The following GNAS variants were observed in gnomAD, a reference collection of about 807,000 sequenced individuals.
GNAS encodes GNAS complex locus, also known as protein ALEX.
Under a neutral mutation model 54.5 loss-of-function variants are expected in GNAS, and 8 were observed. The ratio of observed to expected loss-of-function variants is 0.15; its 90% CI spans 0.09 to 0.26. The LOEUF is 0.26. GNAS is among the 10% of genes least tolerant of loss of function. The pLI is 1.00. For synonymous variants in GNAS, 204 were observed against 191.4 expected (o/e 1.07, Z -0.54); for missense variants, 170 against 529.8 (o/e 0.32, Z 6.67).
chr20:58,854,079 G>C, intron 1 of GNAS: 1 of 1,612,086 alleles, frequency 6.2e-7, no homozygotes, highest in Non-Finnish European at 8.5e-7. Context: ...CGCCGCGAAC[G>C]CGCCTCCCCT....
chr20:58,903,337 C>T, intron 3 of GNAS, 194 bp from the exon 4 acceptor site: 1 of 680,350 alleles, frequency 1.5e-6, no homozygotes, highest in South Asian at 1.6e-5. Context: ...TTGGGCGTGT[C>T]CTCAGGGCAC....
intron 3 of GNAS, chr20:58,903,218 A>C: frequency 2.2e-6 from 1 of 463,208 alleles, no homozygotes; most frequent in South Asian, 2.1e-5. Flanking sequence ...AGCCTTTAGG[A>C]AGTGTTAGTA....
intron 1 of GNAS, chr20:58,854,023 G>C: frequency 2.5e-6 from 4 of 1,611,718 alleles, no homozygotes; most frequent in Non-Finnish European, 3.4e-6. Flanking sequence ...GACGGCAGCA[G>C]CCAGTTCGCG....
intron 1 of GNAS, among the ~76,000 whole-genome samples, chr20:58,870,360 G>T (rs919182561): frequency 8.5e-5 from 13 of 152,348 alleles, no homozygotes; most frequent in African/African-American, 3.1e-4. Flanking sequence ...CTGAGTGGTG[G>T]CTGAGGGCAG....
At chr20:58,866,280 G>T (rs534202668) in intron 1 of GNAS, among the ~76,000 whole-genome samples, 13 of 152,262 alleles carry the variant, frequency 8.5e-5, no homozygotes, top group African/African-American at 3.1e-4. Context: ...CAGTTAGATT[G>T]CAGGAGAGAG....
rs1348080782 is a variant in GNAS, at chr20:58,891,876, G to A, written c.139+11G>A. The A allele has an allele frequency of 8.6e-7, 1 of 1,167,412 alleles. No homozygotes were observed. Among genetic ancestry groups the A allele is most frequent in the South Asian group, 1.8e-5 (1 of 54,776 alleles). 72.3% of individuals were successfully genotyped at this position (1,167,412 alleles called of 1,614,324 possible). ...GCCTGCTGCTGCTGGGTAAGGGCGGGCGGGGGGCGCCGGCCCCGGCCCGGG... is the reference window on the plus strand; with the variant it reads ...GCCTGCTGCTGCTGGGTAAGGGCGGACGGGGGGCGCCGGCCCCGGCCCGGG... On this transcript the variant is annotated intron_variant, in intron 1 of 12. Coordinates refer to ENST00000371085, the MANE Select transcript of GNAS (RefSeq NM_000516.7).
At chr20:58,848,088 G>A (rs1600683444) in intron 1 of GNAS, among the ~76,000 whole-genome samples, 1 of 152,226 alleles carries the variant, frequency 6.6e-6, no homozygotes, top group South Asian at 2.1e-4. Context: ...TTTGCCACCT[G>A]TGGCACCTGG....
Position 58,841,817 on chromosome 20 carries a change from C to T in GNAS, c.43+931C>T. 1 of 1,230,832 alleles carries T rather than the reference C, an allele frequency of 8.1e-7. No individual in the cohort carries two copies. The highest frequency in any genetic ancestry group is 1.5e-5 in the African/African-American group (1 of 64,546). 76.2% of individuals were successfully genotyped at this position (1,230,832 alleles called of 1,614,324 possible). ...AGGCTGCATGCGGCTTAGCAGGAGA[C>T]GTCCTGGGCTGTTTGCGCAGGACCT... On this transcript the variant is annotated intron_variant, in intron 1 of 12. Transcript: ENST00000306090. The surrounding 1 kb of genome is among the most constrained non-coding windows in gnomAD (Gnocchi z 5.0).
In GNAS at chr20:58,891,792, C is replaced by G. The variant is rs764465765; in HGVS notation, c.66C>G (p.Ala22=). 2 of 1,287,622 alleles carry G rather than the reference C, an allele frequency of 1.6e-6. No homozygotes were observed. Among genetic ancestry groups the G allele is most frequent in the Non-Finnish European group, 2.0e-6 (2 of 977,668 alleles). 79.8% of individuals were successfully genotyped at this position (1,287,622 alleles called of 1,614,324 possible). ...QRNEEKAQRE[A]NKKIEKQLQK... is the part of the protein sequence containing the mutation. ...ACGAGGAGAAGGCGCAGCGTGAGGC[C>G]AACAAAAAGATCGAGAAGCAGCTGC... Residue 22 remains alanine, a synonymous_variant, in exon 1 of 13, where the codon GCC becomes GCG. Coordinates refer to ENST00000371085, the MANE Select transcript of GNAS (RefSeq NM_000516.7).
Position 58,841,674 on chromosome 20 carries a change from A to C in GNAS, c.43+788A>C. ...GCGGTTAGGGGAAAGTACCTGGGGG[A>C]AAGGTAGAGGAGGTAAGGGGACCCT... On this transcript the variant is annotated intron_variant, in intron 1 of 12. Coordinates refer to the GNAS transcript ENST00000306090. The surrounding 1 kb of genome is among the most constrained non-coding windows in gnomAD (Gnocchi z 5.0). 1 of 1,164,918 alleles carries C rather than the reference A, an allele frequency of 8.6e-7. No homozygotes were observed. Among genetic ancestry groups the C allele is most frequent in the East Asian group, 3.9e-5 (1 of 25,972 alleles). 72.2% of individuals were successfully genotyped at this position (1,164,918 alleles called of 1,614,324 possible). A position where few individuals can be genotyped will look rare whatever the true frequency, so the allele number is the denominator to read the frequency against.
chr20:58,880,084 C>A (rs77364813), intron 1 of GNAS, among the ~76,000 whole-genome samples: 1 of 152,104 alleles, frequency 6.6e-6, no homozygotes, highest in African/African-American at 2.4e-5. Context: ...AGTTTAGACT[C>A]TCTTGGCTGG....
intron 1 of GNAS, chr20:58,885,129 G>A (rs949476196): frequency 4.6e-5 from 7 of 152,240 alleles, no homozygotes; most frequent in African/African-American, 1.7e-4. Context: ...TGGTGGTTTT[G>A]TTAAAAGTCC....
chr20:58,857,176 T>A lies in GNAS; in HGVS notation c.43+16290T>A, dbSNP rs1356894489. The A allele has an allele frequency of 2.0e-5, 3 of 152,232 alleles. No individual in the cohort carries two copies. Among genetic ancestry groups the A allele is most frequent in the African/African-American group, 7.2e-5 (3 of 41,458 alleles). 9.4% of individuals were successfully genotyped at this position (152,232 alleles called of 1,614,324 possible). Reference sequence around the variant, plus strand: ...AAATATGTTAGAATGTGTGATGGTTTTTTATTAATGGCATTATTGGCATAT... The same window carrying A: ...AAATATGTTAGAATGTGTGATGGTTATTTATTAATGGCATTATTGGCATAT... On this transcript the variant is annotated intron_variant, in intron 1 of 12. Coordinates refer to the GNAS transcript ENST00000306090. This position sits in a 1 kb window ranked among gnomAD's most constrained non-coding sequence, Gnocchi z 4.1.
In GNAS at chr20:58,840,899, C is replaced by T; in HGVS notation, c.43+13C>T. On this transcript the variant is annotated intron_variant, in intron 1 of 12. Coordinates refer to the GNAS transcript ENST00000306090. The surrounding 1 kb of genome is among the most constrained non-coding windows in gnomAD (Gnocchi z 6.0). ...TTCATGGATTCAGGTTAGTTGCCCA[C>T]CGCTAAACTGGGGAGCCTGAGGGCG... 2 of 1,612,070 alleles carry T rather than the reference C, an allele frequency of 1.2e-6. No homozygotes were observed. The highest frequency in any genetic ancestry group is 1.7e-6 in the Non-Finnish European group (2 of 1,179,646).
In GNAS at chr20:58,891,883, G is replaced by A. The variant is rs374672530; in HGVS notation, c.139+18G>A. The stretch of plus-strand genomic sequence containing the variant: ...GCTGCTGGGTAAGGGCGGGCGGGGG[G>A]CGCCGGCCCCGGCCCGGGGGCCCTC... On this transcript the variant is annotated intron_variant, in intron 1 of 12. Coordinates refer to ENST00000371085, the MANE Select transcript of GNAS (RefSeq NM_000516.7). 8 of 1,148,156 alleles carry A rather than the reference G, an allele frequency of 7.0e-6. No individual in the cohort carries two copies. Among genetic ancestry groups the A allele is most frequent in the Non-Finnish European group, 7.7e-6 (7 of 903,338 alleles). The allele number at this position is 1,148,156 out of a possible 1,614,324, so 71.1% of individuals were successfully genotyped here. A position where few individuals can be genotyped will look rare whatever the true frequency, so the allele number is the denominator to read the frequency against.
chr20:58,875,242 T>C (rs2087730328), intron 1 of GNAS, among the ~76,000 whole-genome samples: 1 of 152,162 alleles, frequency 6.6e-6, no homozygotes, highest in South Asian at 2.1e-4. Flanking sequence ...TGGGTGATCG[T>C]GGATGAGCAC....
intron 1 of GNAS, among the ~76,000 whole-genome samples, chr20:58,846,211 G>A (rs776939214): frequency 9.9e-5 from 15 of 152,128 alleles, no homozygotes; most frequent in East Asian, 1.9e-4. Flanking sequence ...GAAATTTGGC[G>A]GTTATAAAGA....
intron 1 of GNAS, among the ~76,000 whole-genome samples, chr20:58,860,030 A>C (rs1448724910): frequency 1.3e-5 from 2 of 152,260 alleles, no homozygotes; most frequent in Non-Finnish European, 2.9e-5. Context: ...GCATTATTTA[A>C]ATGTAAAGCA....
chr20:58,856,110 T>C lies in GNAS; in HGVS notation c.43+15224T>C, dbSNP rs8125112. ...TCGCCGGCCTCCGCGTAACCTTGTT[T>C]CTGTATGTCTTTCTCTCTTTTTCCT... On this transcript the variant is annotated intron_variant, in intron 1 of 12. Coordinates refer to the GNAS transcript ENST00000306090. The surrounding 1 kb of genome is among the most constrained non-coding windows in gnomAD (Gnocchi z 4.2). 32,736 of 167,442 alleles carry C rather than the reference T, an allele frequency of 0.2. 3,846 individuals are homozygous for C. Among genetic ancestry groups the C allele is most frequent in the African/African-American group, 0.34 (14,261 of 41,782 alleles). 10.4% of individuals were successfully genotyped at this position (167,442 alleles called of 1,614,324 possible).
Sources: allele counts gnomAD v4.1 joint callset (sites outside exome capture counted in the v4.1 genomes callset), GRCh38; gene constraint gnomAD v4.1.1; non-coding constraint Gnocchi (gnomAD v3.1); transcripts MANE v1.5; gene names NCBI Gene and HGNC (gene_info 2026-07-23, HGNC 2026-07-21).